Variants in SLC24A2 observed in about 807,000 individuals in gnomAD.
SLC24A2 encodes the protein solute carrier family 24 member 2.
Under a neutral mutation model 62.0 loss-of-function variants are expected in SLC24A2, and 36 were observed. The ratio of observed to expected loss-of-function variants is 0.58; its 90% CI spans 0.44 to 0.77. SLC24A2 has a LOEUF of 0.77. SLC24A2 is among the 30% of genes least tolerant of loss of function. SLC24A2 has a pLI of 0.00. For missense variants in SLC24A2, 846 were observed against 817.9 expected, an observed-to-expected ratio of 1.03 and a Z score of -0.42; for synonymous variants, 358 against 294.0, an observed-to-expected ratio of 1.22 and a Z score of -2.23.
intron 7 of SLC24A2, among the ~76,000 whole-genome samples, chr9:19,571,362 A>G (rs1337225736): frequency 6.6e-6 from 1 of 152,072 alleles, no homozygotes; most frequent in Non-Finnish European, 1.5e-5. Flanking sequence ...GAAATACGTA[A>G]TTTCTATCAG....
chr9:20,104,494 G>A, the SLC24A2 span, among the ~76,000 whole-genome samples: 1 of 152,194 alleles, frequency 6.6e-6, no homozygotes, highest in Non-Finnish European at 1.5e-5. Context: ...GACTAACAGT[G>A]GATCTCTCAG....
the SLC24A2 span, among the ~76,000 whole-genome samples, chr9:19,969,043 T>C: frequency 6.6e-6 from 1 of 152,068 alleles, no homozygotes. Context: ...CTTTCCAGTG[T>C]TTATAACTAG....
At chr9:20,218,871 C>T in the SLC24A2 span, among the ~76,000 whole-genome samples, 1 of 152,132 alleles carries the variant, frequency 6.6e-6, no homozygotes, top group Non-Finnish European at 1.5e-5. Context: ...AGGCTGCAAT[C>T]CAGGTGTCTG....
chr9:19,762,263 G>A (rs1361364909), intron 2 of SLC24A2, among the ~76,000 whole-genome samples: 2 of 152,164 alleles, frequency 1.3e-5, no homozygotes, highest in Non-Finnish European at 2.9e-5. Flanking sequence ...TAGGTTGCCT[G>A]TTCACACCGA....
At chr9:19,860,728 T>G in the SLC24A2 span, among the ~76,000 whole-genome samples, 1 of 151,820 alleles carries the variant, frequency 6.6e-6, no homozygotes, top group Non-Finnish European at 1.5e-5. Context: ...GATGGGTGAG[T>G]CCTAGACCAG....
At chr9:19,580,466 T>C (rs150498151) in intron 5 of SLC24A2, among the ~76,000 whole-genome samples, 6 of 152,314 alleles carry the variant, frequency 3.9e-5, no homozygotes, top group Middle Eastern at 3.4e-3. Context: ...TGAGAAATGC[T>C]GTGAGGATGA....
At chr9:19,828,103 C>A in the SLC24A2 span, among the ~76,000 whole-genome samples, 1 of 151,990 alleles carries the variant, frequency 6.6e-6, no homozygotes, top group African/African-American at 2.4e-5. Context: ...GATTCCATTA[C>A]AAGTAGAAGT....
At chr9:20,217,181 T>C in the SLC24A2 span, among the ~76,000 whole-genome samples, 1 of 152,158 alleles carries the variant, frequency 6.6e-6, no homozygotes, top group Non-Finnish European at 1.5e-5. Flanking sequence ...GTCATACTCA[T>C]AAATATAATG....
At chr9:19,646,736 G>T (rs1818647256) in intron 2 of SLC24A2, among the ~76,000 whole-genome samples, 1 of 152,068 alleles carries the variant, frequency 6.6e-6, no homozygotes, top group South Asian at 2.1e-4. Flanking sequence ...CATGTTTAGA[G>T]TGAAAATAAG....
chr9:19,787,476 C>G (rs1268460122), intron 1 of SLC24A2, among the ~76,000 whole-genome samples: 1 of 152,174 alleles, frequency 6.6e-6, no homozygotes, highest in Non-Finnish European at 1.5e-5. Flanking sequence ...TACTTTTGGT[C>G]CAATTACATA....
chr9:20,268,012 C>T, the SLC24A2 span, among the ~76,000 whole-genome samples: 3 of 152,332 alleles, frequency 2.0e-5, no homozygotes, highest in Non-Finnish European at 4.4e-5. Context: ...ATGTTTCATG[C>T]ACTTCCTGCC....
the SLC24A2 span, among the ~76,000 whole-genome samples, chr9:20,209,864 T>G: frequency 6.6e-6 from 1 of 152,192 alleles, no homozygotes; most frequent in Non-Finnish European, 1.5e-5. Flanking sequence ...TTCAAAAGTA[T>G]ACATTTGGTT....
intron 2 of SLC24A2, among the ~76,000 whole-genome samples, chr9:19,640,497 C>T (rs573047260): frequency 3.2e-4 from 48 of 152,242 alleles, no homozygotes; most frequent in African/African-American, 1.0e-3. Context: ...GGCGTTGATA[C>T]GGGGTTGGCA....
chr9:20,231,231 C>G, the SLC24A2 span, among the ~76,000 whole-genome samples: 1 of 151,970 alleles, frequency 6.6e-6, no homozygotes. Flanking sequence ...TTTTTTGGTC[C>G]CATATGAACT....
intron 8 of SLC24A2, among the ~76,000 whole-genome samples, chr9:19,543,005 G>A (rs10116356): frequency 0.73 from 111,154 of 152,088 alleles, 43,014 homozygotes; most frequent in East Asian, 1. Context: ...GGTTTCAGAA[G>A]GAATGGTACC....
At chr9:19,804,235 T>G in the SLC24A2 span, among the ~76,000 whole-genome samples, 1 of 152,164 alleles carries the variant, frequency 6.6e-6, no homozygotes, top group East Asian at 1.9e-4. Context: ...CATTTTAATA[T>G]TAAGCCTTTC....
chr9:20,022,028 T>G, the SLC24A2 span, among the ~76,000 whole-genome samples: 1 of 152,210 alleles, frequency 6.6e-6, no homozygotes, highest in Non-Finnish European at 1.5e-5. Flanking sequence ...AAATCCTGAT[T>G]TAATTTACTC....
At chr9:20,054,092 G>A in the SLC24A2 span, among the ~76,000 whole-genome samples, 2 of 152,256 alleles carry the variant, frequency 1.3e-5, no homozygotes, top group South Asian at 2.1e-4. Flanking sequence ...AATTTCAATA[G>A]TCTTGGGGAA....
At chr9:19,533,154 T>G (rs1325762113) in intron 8 of SLC24A2, among the ~76,000 whole-genome samples, 3 of 152,172 alleles carry the variant, frequency 2.0e-5, no homozygotes, top group African/African-American at 7.2e-5. Context: ...ACTCTGAAAC[T>G]ATAAGTATAC....
Sources: gnomAD v4.1 joint callset for allele counts (sites outside exome capture counted in the v4.1 genomes callset) on GRCh38, gnomAD v4.1.1 for gene constraint, MANE v1.5 for transcripts, NCBI Gene and HGNC (gene_info 2026-07-23, HGNC 2026-07-21) for gene names.